SH3RF2: variants seen among roughly 807,000 people sequenced by gnomAD.
The protein encoded by SH3RF2 is SH3 domain containing ring finger 2, also known as E3 ubiquitin-protein ligase SH3RF2.
Under a neutral mutation model 59.0 loss-of-function variants are expected in SH3RF2, and 43 were observed. That is an observed-to-expected ratio of 0.73 (90% CI 0.57 to 0.94). The LOEUF is 0.94. Among genes scored for constraint, SH3RF2 ranks in the 40% least tolerant of loss-of-function variants. SH3RF2 has a pLI of 0.00. For missense variants in SH3RF2, 930 were observed against 940.1 expected, an observed-to-expected ratio of 0.99 and a Z score of 0.14; for synonymous variants, 391 against 391.5, an observed-to-expected ratio of 1.00 and a Z score of 0.01.
At chr5:146,077,351 C>T (rs1371822616) in intron 9 of SH3RF2, among the ~76,000 whole-genome samples, 1 of 152,198 alleles carries the variant, frequency 6.6e-6, no homozygotes, top group Non-Finnish European at 1.5e-5. Flanking sequence ...CATCAAAATA[C>T]AATATTTGAG....
chr5:146,008,378 A>G (rs1372040887), intron 4 of SH3RF2, among the ~76,000 whole-genome samples: 1 of 152,216 alleles, frequency 6.6e-6, no homozygotes, highest in Non-Finnish European at 1.5e-5. Flanking sequence ...ATTAGGTGGA[A>G]GCAGAAAAAA....
chr5:145,995,412 C>CG (rs1215262937), intron 2 of SH3RF2, among the ~76,000 whole-genome samples: 1 of 152,112 alleles, frequency 6.6e-6, no homozygotes, highest in Non-Finnish European at 1.5e-5. Context: ...TACCCAACCC[C>CG]GGGGGTCTAA....
chr5:146,045,602 CTTTCACT>C, intron 5 of SH3RF2, among the ~76,000 whole-genome samples: 1 of 152,280 alleles, frequency 6.6e-6, no homozygotes, highest in Non-Finnish European at 1.5e-5. Context: ...TGTCTGGCTT[CTTTCACT>C]TAGCATAATG....
At chr5:146,036,721 G>A (rs1229069970) in intron 5 of SH3RF2, among the ~76,000 whole-genome samples, 1 of 152,142 alleles carries the variant, frequency 6.6e-6, no homozygotes, top group Non-Finnish European at 1.5e-5. Context: ...GCAAGGGAGT[G>A]GCAGGGCAGG....
chr5:145,947,206 GAAT>G (rs1434048588), intron 2 of SH3RF2, among the ~76,000 whole-genome samples: 8 of 149,662 alleles, frequency 5.3e-5, no homozygotes, highest in African/African-American at 1.5e-4. Flanking sequence ...AATTATTTCT[GAAT>G]AATAGGAATA....
At chr5:146,076,457 A>T (rs936896676) in intron 9 of SH3RF2, among the ~76,000 whole-genome samples, 3 of 152,202 alleles carry the variant, frequency 2.0e-5, no homozygotes, top group Non-Finnish European at 2.9e-5. Context: ...TGAGGGCTAA[A>T]ATTGGTAAAT....
At chr5:146,026,822 A>G (rs1201435294) in intron 5 of SH3RF2, among the ~76,000 whole-genome samples, 2 of 152,192 alleles carry the variant, frequency 1.3e-5, no homozygotes, top group Non-Finnish European at 2.9e-5. Flanking sequence ...CTCAGTTTTT[A>G]TATCTGTAAA....
intron 2 of SH3RF2, among the ~76,000 whole-genome samples, chr5:145,942,681 TGTAG>T (rs1757861788): frequency 6.6e-6 from 1 of 152,142 alleles, no homozygotes; most frequent in African/African-American, 2.4e-5. Context: ...AAGGACCATA[TGTAG>T]TAGGTGGAGG....
intron 8 of SH3RF2, among the ~76,000 whole-genome samples, chr5:146,056,721 A>G (rs1762684443): frequency 6.6e-6 from 1 of 152,250 alleles, no homozygotes; most frequent in Admixed American, 6.5e-5. Context: ...TTTACAGTAT[A>G]CGAACTGGAC....
At chr5:146,004,381 G>A (rs953352033) in intron 4 of SH3RF2, among the ~76,000 whole-genome samples, 2 of 152,190 alleles carry the variant, frequency 1.3e-5, no homozygotes, top group African/African-American at 4.8e-5. Flanking sequence ...TCTCTCATAT[G>A]CAAACTCAAA....
At chr5:146,038,684 G>A (rs888846089) in intron 5 of SH3RF2, among the ~76,000 whole-genome samples, 1 of 152,198 alleles carries the variant, frequency 6.6e-6, no homozygotes, top group African/African-American at 2.4e-5. Flanking sequence ...CATAAGTGGA[G>A]AATTATGCAA....
At chr5:146,039,400 C>A (rs921679537) in intron 5 of SH3RF2, among the ~76,000 whole-genome samples, 1 of 150,192 alleles carries the variant, frequency 6.7e-6, no homozygotes, top group African/African-American at 2.5e-5. Flanking sequence ...TAATTTAATA[C>A]AAAAATAATA....
chr5:145,963,949 C>T (rs1194790873), intron 2 of SH3RF2, among the ~76,000 whole-genome samples: 1 of 151,920 alleles, frequency 6.6e-6, no homozygotes, highest in Admixed American at 6.6e-5. Context: ...TCTCCTGCCT[C>T]AGCCTCCCCA....
rs1762404852 is a variant in SH3RF2, at chr5:146,049,174, G to A, written c.1251G>A (p.Trp417Ter). The change falls in exon 7 of 10, where the codon TGG (tryptophan) becomes TGA (stop). Residue 417 changes from tryptophan (W) to a stop codon, truncating the protein, a stop_gained. Coordinates refer to ENST00000359120, the MANE Select transcript of SH3RF2 (RefSeq NM_152550.4). LOFTEE classifies it high-confidence loss of function. ...VRVLGKCQDGWLRGVSLVTGR... is the reference protein window; with the variant it reads ...VRVLGKCQDG The stretch of plus-strand genomic sequence containing the variant: ...TCCTGGGGAAGTGCCAGGACGGCTG[G>A]CTCAGGGGCGTCTCCTTGGTCACCG... 3.1e-6 allele frequency: 5 copies of A among 1,614,122 alleles called. No individual in the cohort carries two copies. The highest frequency in any genetic ancestry group is 1.1e-5 in the South Asian group (1 of 91,076).
intron 2 of SH3RF2, among the ~76,000 whole-genome samples, chr5:145,959,380 A>G (rs980204193): frequency 2.6e-5 from 4 of 152,096 alleles, no homozygotes; most frequent in African/African-American, 9.7e-5. Context: ...ACCACCTCAA[A>G]CTAGCTCAAA....
intron 4 of SH3RF2, among the ~76,000 whole-genome samples, chr5:146,006,064 G>C (rs1760632805): frequency 6.6e-6 from 1 of 152,098 alleles, no homozygotes. Context: ...ACAAACATGG[G>C]TCCCTACTCT....
intron 2 of SH3RF2, among the ~76,000 whole-genome samples, chr5:145,954,050 T>C (rs1343168979): frequency 1.3e-5 from 2 of 152,218 alleles, no homozygotes; most frequent in Non-Finnish European, 2.9e-5. Flanking sequence ...GTAGATGCTT[T>C]ATATTTCTCT....
intron 2 of SH3RF2, among the ~76,000 whole-genome samples, chr5:145,940,452 C>T (rs1376186514): frequency 3.3e-5 from 5 of 152,140 alleles, no homozygotes; most frequent in Non-Finnish European, 7.4e-5. Context: ...TGAAAGCAAC[C>T]ATGCATCCCA....
At chr5:145,939,797 C>A (rs547173418) in intron 2 of SH3RF2, among the ~76,000 whole-genome samples, 17 of 152,090 alleles carry the variant, frequency 1.1e-4, no homozygotes, top group Non-Finnish European at 2.1e-4. Context: ...CCCTTGAATT[C>A]CTAAGACCTA....
Sources: gnomAD v4.1 joint callset for allele counts (sites outside exome capture counted in the v4.1 genomes callset) on GRCh38, gnomAD v4.1.1 for gene constraint, MANE v1.5 for transcripts, NCBI Gene and HGNC (gene_info 2026-07-23, HGNC 2026-07-21) for gene names.